The following FSTL4 variants were observed in gnomAD, a reference collection of about 807,000 sequenced individuals.
FSTL4 encodes follistatin like 4.
Under a neutral mutation model 78.2 loss-of-function variants are expected in FSTL4, and 28 were observed. That is an observed-to-expected ratio of 0.36 (90% CI 0.27 to 0.49). FSTL4 has a LOEUF of 0.49. Among genes scored for constraint, FSTL4 ranks in the 20% least tolerant of loss-of-function variants. The pLI, the probability that FSTL4 is intolerant of heterozygous loss-of-function variation, is 0.98. For missense variants in FSTL4, 922 were observed against 1,084.9 expected, an observed-to-expected ratio of 0.85 and a Z score of 2.11; for synonymous variants, 422 against 440.5, an observed-to-expected ratio of 0.96 and a Z score of 0.53.
intron 7 of FSTL4, among the ~76,000 whole-genome samples, chr5:133,240,168 T>A (rs759747522): frequency 6.6e-5 from 10 of 151,954 alleles, no homozygotes; most frequent in Non-Finnish European, 1.3e-4. Flanking sequence ...AGGAAGAAAC[T>A]CCAAACGCAT....
At chr5:133,786,467 C>T in the FSTL4 span, among the ~76,000 whole-genome samples, 2 of 152,174 alleles carry the variant, frequency 1.3e-5, no homozygotes, top group African/African-American at 2.4e-5. Context: ...TCTATGTCCT[C>T]GTATAAAGTC....
the FSTL4 span, among the ~76,000 whole-genome samples, chr5:133,640,212 A>T: frequency 6.6e-6 from 1 of 152,326 alleles, no homozygotes; most frequent in African/African-American, 2.4e-5. Flanking sequence ...GCAAGATGGC[A>T]TCTCCTCATT....
In FSTL4 at chr5:133,591,798, T is replaced by C. The variant is rs373431960; in HGVS notation, c.126+12060A>G. Among the ~76,000 whole-genome samples, 15 of 152,214 alleles carry C rather than the reference T, an allele frequency of 9.9e-5. No individual in the cohort carries two copies. The South Asian group carries it at 2.9e-3, about 29-fold the overall frequency. On this transcript the variant is annotated intron_variant, in intron 2 of 15. Transcript: ENST00000265342. ...GGAGAAATGGAGAAGGGAGACAGTGTGGCTCAGAAGGGAGTTGGGAGACAG... is the reference window on the plus strand; with the variant it reads ...GGAGAAATGGAGAAGGGAGACAGTGCGGCTCAGAAGGGAGTTGGGAGACAG...
chr5:133,258,794 C>T (rs1386559544), intron 6 of FSTL4, among the ~76,000 whole-genome samples: 2 of 152,128 alleles, frequency 1.3e-5, no homozygotes, highest in Non-Finnish European at 2.9e-5. Context: ...ACATAACACA[C>T]CCCCTCAGAA....
At chr5:133,386,331 T>C (rs923263749) in intron 4 of FSTL4, among the ~76,000 whole-genome samples, 2 of 152,212 alleles carry the variant, frequency 1.3e-5, no homozygotes, top group Non-Finnish European at 2.9e-5. Flanking sequence ...AGAGTCTCCG[T>C]GGGGCTATAG....
chr5:133,816,919 G>T, the FSTL4 span, among the ~76,000 whole-genome samples: 2 of 152,240 alleles, frequency 1.3e-5, no homozygotes, highest in African/African-American at 4.8e-5. Context: ...GGAGGAAGCG[G>T]CAGGGAGATC....
the FSTL4 span, among the ~76,000 whole-genome samples, chr5:133,814,437 C>A: frequency 3.3e-5 from 5 of 152,126 alleles, no homozygotes; most frequent in African/African-American, 1.2e-4. Flanking sequence ...CACACCAGTG[C>A]CCCTGACACA....
At chr5:133,672,968 T>C in the FSTL4 span, among the ~76,000 whole-genome samples, 1 of 152,190 alleles carries the variant, frequency 6.6e-6, no homozygotes, top group African/African-American at 2.4e-5. Flanking sequence ...AATCAATATA[T>C]GTAAGAAGTA....
At chr5:133,531,937 T>C (rs769301675) in intron 3 of FSTL4, among the ~76,000 whole-genome samples, 2 of 152,138 alleles carry the variant, frequency 1.3e-5, no homozygotes, top group Non-Finnish European at 2.9e-5. Flanking sequence ...TCACAATAGA[T>C]GGAATAACGG....
In FSTL4 at chr5:133,532,662, A is replaced by G. The variant is rs73281988; in HGVS notation, c.160+34524T>C. On this transcript the variant is annotated intron_variant, in intron 3 of 15. Coordinates refer to ENST00000265342, the MANE Select transcript of FSTL4 (RefSeq NM_015082.2). ...CATAAGGACTTCTGATTCTCTGAACACAACAGGACAAAAATGTACATTGCA... is the reference window on the plus strand; with the variant it reads ...CATAAGGACTTCTGATTCTCTGAACGCAACAGGACAAAAATGTACATTGCA... Among the ~76,000 whole-genome samples, 464 of 152,296 alleles carry G rather than the reference A, an allele frequency of 3.0e-3. 3 individuals carry two copies. The highest frequency in any genetic ancestry group is 0.01 in the African/African-American group (425 of 41,572).
At chr5:133,605,881 C>T (rs1313521766) in intron 1 of FSTL4, among the ~76,000 whole-genome samples, 3 of 152,112 alleles carry the variant, frequency 2.0e-5, no homozygotes, top group African/African-American at 7.2e-5. Context: ...ACCATCAGCA[C>T]CTGCCCCACA....
chr5:133,822,619 C>G, the FSTL4 span, among the ~76,000 whole-genome samples: 1 of 152,120 alleles, frequency 6.6e-6, no homozygotes, highest in Non-Finnish European at 1.5e-5. Context: ...AGCCAGAAAG[C>G]TAAGGATGTG....
chr5:133,230,214 C>T (rs1273580020), intron 8 of FSTL4, among the ~76,000 whole-genome samples: 7 of 152,096 alleles, frequency 4.6e-5, no homozygotes, highest in South Asian at 2.1e-4. Context: ...CCACATGAAT[C>T]GCATAGGGGC....
chr5:133,635,747 AG>A, the FSTL4 span, among the ~76,000 whole-genome samples: 1 of 152,064 alleles, frequency 6.6e-6, no homozygotes, highest in Non-Finnish European at 1.5e-5. Context: ...TGGGTGACAG[AG>A]CGAGACTCCA....
At chr5:133,809,445 G>C in the FSTL4 span, among the ~76,000 whole-genome samples, 1 of 149,968 alleles carries the variant, frequency 6.7e-6, no homozygotes, top group Non-Finnish European at 1.5e-5. Flanking sequence ...GAGTGCAGGA[G>C]TATCTTTTGC....
chr5:133,724,122 G>A, the FSTL4 span, among the ~76,000 whole-genome samples: 1 of 152,238 alleles, frequency 6.6e-6, no homozygotes, highest in Non-Finnish European at 1.5e-5. Flanking sequence ...CACAGTGGAG[G>A]TTGGGGAAAC....
intron 3 of FSTL4, among the ~76,000 whole-genome samples, chr5:133,549,244 A>G (rs1759644218): frequency 6.6e-6 from 1 of 151,966 alleles, no homozygotes; most frequent in Admixed American, 6.6e-5. Flanking sequence ...TCCTTATCCT[A>G]GTCTCCTTGC....
At chr5:133,465,081 C>A (rs1050700484) in intron 3 of FSTL4, among the ~76,000 whole-genome samples, 1 of 152,200 alleles carries the variant, frequency 6.6e-6, no homozygotes, top group Non-Finnish European at 1.5e-5. Flanking sequence ...CATTTGTTCT[C>A]AGTAAAGGGT....
At chr5:133,727,689 A>G in the FSTL4 span, among the ~76,000 whole-genome samples, 5 of 152,338 alleles carry the variant, frequency 3.3e-5, no homozygotes, top group Non-Finnish European at 7.3e-5. Flanking sequence ...TTTTGCTCAC[A>G]TCTGAATCCT....
Sources: gnomAD v4.1 joint callset for allele counts (sites outside exome capture counted in the v4.1 genomes callset) on GRCh38, gnomAD v4.1.1 for gene constraint, MANE v1.5 for transcripts, NCBI Gene and HGNC (gene_info 2026-07-23, HGNC 2026-07-21) for gene names.